The following MYO3B variants were observed in gnomAD, a reference collection of about 807,000 sequenced individuals.
MYO3B encodes the protein myosin-IIIb.
MYO3B carries 156 observed loss-of-function variants against 174.6 expected under a neutral mutation model. That is an observed-to-expected ratio of 0.89 (90% CI 0.78 to 1.02). The LOEUF is 1.02. MYO3B is among the 50% of genes least tolerant of loss of function. The probability of loss-of-function intolerance (pLI) is 0.00; values close to 1 mark genes in which losing one functional copy is unlikely to be tolerated. For synonymous variants in MYO3B, 563 were observed against 569.1 expected, an observed-to-expected ratio of 0.99 and a Z score of 0.15; for missense variants, 1,632 against 1,639.4, an observed-to-expected ratio of 1.00 and a Z score of 0.08.
chr2:170,590,933 G>C (rs1357304351), intron 32 of MYO3B, among the ~76,000 whole-genome samples: 1 of 152,142 alleles, frequency 6.6e-6, no homozygotes. Context: ...TGGGATCTTA[G>C]AGTCAATTAC....
At position 170,383,170 on chromosome 2, in the gene MYO3B, T is replaced by A; in HGVS notation, c.1166T>A (p.Leu389Gln). 1 of 1,604,764 alleles carries A rather than the reference T, an allele frequency of 6.2e-7. No homozygotes were observed. Among genetic ancestry groups the A allele is most frequent in the African/African-American group, 1.3e-5 (1 of 74,842 alleles). ...ATTGCCTTAAACCCCTTCCAGAATC[T>A]AAGCATATACTCTCCACAGGTAAGG... ...ILIALNPFQNLSIYSPQFSRL... is the reference protein window; with the variant it reads ...ILIALNPFQNQSIYSPQFSRL... The change falls in exon 11 of 35, where the codon CTA becomes CAA. Residue 389 changes from leucine (L) to glutamine (Q), a missense_variant. Transcript: ENST00000408978.
intron 1 of MYO3B, among the ~76,000 whole-genome samples, chr2:170,193,120 TTGTC>T (rs761507657): frequency 3.9e-5 from 6 of 151,966 alleles, no homozygotes; most frequent in East Asian, 1.9e-4. Flanking sequence ...TTATTGTGTT[TTGTC>T]TATTTCTTCT....
intron 32 of MYO3B, chr2:170,643,624 G>A (rs930433675): frequency 1.3e-5 from 2 of 152,242 alleles, no homozygotes; most frequent in Admixed American, 1.3e-4. Context: ...TTTGCTTAAA[G>A]GGGATGTTTC....
intron 7 of MYO3B, among the ~76,000 whole-genome samples, chr2:170,287,584 GT>G (rs1158598531): frequency 6.6e-6 from 1 of 151,504 alleles, no homozygotes; most frequent in Non-Finnish European, 1.5e-5. Flanking sequence ...GTAGTATTTG[GT>G]TTTTTGCTAT....
At chr2:170,236,517 TCA>T (rs1250224834) in intron 7 of MYO3B, among the ~76,000 whole-genome samples, 5 of 152,346 alleles carry the variant, frequency 3.3e-5, no homozygotes, top group African/African-American at 1.2e-4. Flanking sequence ...CATATGTATA[TCA>T]TATTGCTGTA....
At chr2:170,599,687 G>A (rs897566870) in intron 32 of MYO3B, among the ~76,000 whole-genome samples, 1 of 152,128 alleles carries the variant, frequency 6.6e-6, no homozygotes, top group African/African-American at 2.4e-5. Flanking sequence ...GGTGGAGGTT[G>A]TAGTGAGCCG....
intron 7 of MYO3B, among the ~76,000 whole-genome samples, chr2:170,252,483 G>C (rs541835787): frequency 7.2e-5 from 11 of 152,284 alleles, no homozygotes; most frequent in Non-Finnish European, 1.5e-4. Flanking sequence ...CTTACACATG[G>C]ACTATAAGTT....
intron 29 of MYO3B, among the ~76,000 whole-genome samples, chr2:170,516,334 C>T (rs534322355): frequency 1.6e-4 from 24 of 151,830 alleles, no homozygotes; most frequent in African/African-American, 5.5e-4. Context: ...GATGCTTTTC[C>T]ATCTTACTTC....
chr2:170,497,590 C>T (rs2083214), intron 25 of MYO3B, among the ~76,000 whole-genome samples: 138,569 of 151,244 alleles, frequency 0.92, 64,588 homozygotes, highest in Non-Finnish European at 1. Context: ...TGCACTCCAG[C>T]CTGGGCAACA....
intron 32 of MYO3B, chr2:170,646,954 A>G: frequency 7.5e-7 from 1 of 1,329,956 alleles, no homozygotes; most frequent in Non-Finnish European, 1.0e-6. Flanking sequence ...ATATCTTTCA[A>G]TTGTTTTTAT....
chr2:170,431,132 T>C (rs978883533), intron 22 of MYO3B, among the ~76,000 whole-genome samples: 1 of 152,108 alleles, frequency 6.6e-6, no homozygotes, highest in Non-Finnish European at 1.5e-5. Context: ...TGGGTAGATA[T>C]TGGGTAGATG....
intron 7 of MYO3B, among the ~76,000 whole-genome samples, chr2:170,252,975 A>C (rs1040789107): frequency 3.3e-5 from 5 of 152,216 alleles, no homozygotes; most frequent in African/African-American, 1.2e-4. Flanking sequence ...GGGACAGATC[A>C]TGTAGTGCCT....
At chr2:170,480,379 G>C (rs748550909) in intron 25 of MYO3B, among the ~76,000 whole-genome samples, 11 of 152,170 alleles carry the variant, frequency 7.2e-5, no homozygotes, top group Non-Finnish European at 1.2e-4. Context: ...ACACATGGAG[G>C]TTCCTGGAGG....
intron 8 of MYO3B, among the ~76,000 whole-genome samples, chr2:170,336,712 A>G (rs1473673213): frequency 6.6e-6 from 1 of 152,204 alleles, no homozygotes; most frequent in African/African-American, 2.4e-5. Flanking sequence ...TACATAATAT[A>G]CAGTAAATGT....
intron 32 of MYO3B, among the ~76,000 whole-genome samples, chr2:170,620,674 T>A (rs575694310): frequency 1.3e-5 from 2 of 152,330 alleles, no homozygotes; most frequent in East Asian, 3.9e-4. Flanking sequence ...AGATGGAAAA[T>A]GGCCCGGGTA....
chr2:170,615,349 C>T (rs1168924893), intron 32 of MYO3B, among the ~76,000 whole-genome samples: 2 of 152,324 alleles, frequency 1.3e-5, no homozygotes, highest in African/African-American at 4.8e-5. Flanking sequence ...AAGAAAATCA[C>T]TTGTATAGAA....
intron 19 of MYO3B, 67 bp downstream of exon 19, chr2:170,403,062 G>T: frequency 6.8e-7 from 1 of 1,479,176 alleles, no homozygotes; most frequent in Non-Finnish European, 9.2e-7. Context: ...CCCACAATTT[G>T]TAGCAGAAAC....
intron 7 of MYO3B, among the ~76,000 whole-genome samples, chr2:170,303,794 G>C (rs1379025799): frequency 6.6e-6 from 1 of 152,008 alleles, no homozygotes; most frequent in African/African-American, 2.4e-5. Context: ...ATGCATACAT[G>C]TTTTTCTTAC....
In MYO3B at chr2:170,403,027, A is replaced by T. The variant is rs532788212; in HGVS notation, c.2277+32A>T. On this transcript the variant is annotated intron_variant, in intron 19 of 34. Transcript: ENST00000408978. Reference sequence around the variant, plus strand: ...GTGAACTCTGAGGTAACTAAACTTGATGGGGAAAAGGTGTCTCCAAGCTGC... The same window carrying T: ...GTGAACTCTGAGGTAACTAAACTTGTTGGGGAAAAGGTGTCTCCAAGCTGC... 4.1e-5 allele frequency: 63 copies of T among 1,544,978 alleles called. No homozygotes were observed. In the South Asian group the frequency reaches 5.6e-4, roughly 14 times the overall value.
Sources: gnomAD v4.1 joint callset for allele counts (sites outside exome capture counted in the v4.1 genomes callset) on GRCh38, gnomAD v4.1.1 for gene constraint, MANE v1.5 for transcripts, NCBI Gene and HGNC (gene_info 2026-07-23, HGNC 2026-07-21) for gene names.